Variants in SCYL2 observed in about 807,000 individuals in gnomAD.
SCYL2 encodes the protein SCY1 like pseudokinase 2.
Under a neutral mutation model 100.4 loss-of-function variants are expected in SCYL2, and 36 were observed. The ratio of observed to expected loss-of-function variants is 0.36; its 90% CI spans 0.27 to 0.47. SCYL2 has a LOEUF of 0.47. Ranked by LOEUF, SCYL2 falls within the 20% of genes least tolerant of loss-of-function variation. The pLI is 1.00. For synonymous variants in SCYL2, 330 were observed against 359.2 expected (o/e 0.92, Z 0.92); for missense variants, 902 against 1,083.9 (o/e 0.83, Z 2.36).
chr12:100,313,886 T>C (rs3853776), intron 7 of SCYL2, among the ~76,000 whole-genome samples: 7,587 of 151,422 alleles, frequency 0.05, 470 homozygotes, highest in East Asian at 0.28. Flanking sequence ...ATGGATTTTT[T>C]TTTTTTTTTT....
At chr12:100,320,045 C>T (rs992688594) in intron 10 of SCYL2, among the ~76,000 whole-genome samples, 1 of 152,210 alleles carries the variant, frequency 6.6e-6, no homozygotes, top group East Asian at 1.9e-4. Context: ...GCATTATAAA[C>T]GTGTATCAGA....
At chr12:100,326,130 A>G (rs2096361527) in intron 11 of SCYL2, among the ~76,000 whole-genome samples, 1 of 152,156 alleles carries the variant, frequency 6.6e-6, no homozygotes, top group African/African-American at 2.4e-5. Flanking sequence ...AAGAGGTCTT[A>G]ATAACTGTAT....
intron 4 of SCYL2, among the ~76,000 whole-genome samples, chr12:100,306,491 A>G (rs2135889000): frequency 6.6e-6 from 1 of 152,364 alleles, no homozygotes; most frequent in Non-Finnish European, 1.5e-5. Flanking sequence ...CTAGGTTTTG[A>G]TAGAACATAT....
At chr12:100,295,452 T>C (rs7958694) in intron 3 of SCYL2, among the ~76,000 whole-genome samples, 21,225 of 152,002 alleles carry the variant, frequency 0.14, 1,720 homozygotes, top group Non-Finnish European at 0.18. Context: ...TCCCGGCACC[T>C]CGGGAGGCCG....
At chr12:100,312,784 T>G in intron 6 of SCYL2, 131 bp downstream of exon 6, 1 of 611,460 alleles carries the variant, frequency 1.6e-6, no homozygotes. Flanking sequence ...TAAGATCAGC[T>G]TAATAATTTA....
intron 1 of SCYL2, among the ~76,000 whole-genome samples, chr12:100,277,333 G>C (rs1390276143): frequency 1.3e-5 from 2 of 152,192 alleles, no homozygotes; most frequent in African/African-American, 4.8e-5. Flanking sequence ...CTTCGTCTGT[G>C]TCTGTTACTA....
At chr12:100,278,842 A>T (rs1469381122) in intron 1 of SCYL2, among the ~76,000 whole-genome samples, 4 of 151,904 alleles carry the variant, frequency 2.6e-5, no homozygotes, top group Non-Finnish European at 4.4e-5. Flanking sequence ...GTTTGCCAGG[A>T]TGGTCTCCAT....
chr12:100,302,419 C>T (rs1242567646), intron 4 of SCYL2, among the ~76,000 whole-genome samples: 1 of 152,136 alleles, frequency 6.6e-6, no homozygotes, highest in Non-Finnish European at 1.5e-5. Context: ...ATATTTAGTG[C>T]TTTCTTCAGG....
At chr12:100,272,278 C>T (rs1190236950) in intron 1 of SCYL2, among the ~76,000 whole-genome samples, 1 of 151,928 alleles carries the variant, frequency 6.6e-6, no homozygotes, top group East Asian at 1.9e-4. Context: ...CTTTTTTCTT[C>T]ATTAATCAAA....
intron 2 of SCYL2, among the ~76,000 whole-genome samples, chr12:100,285,120 C>A (rs915042856): frequency 6.6e-6 from 1 of 152,072 alleles, no homozygotes; most frequent in East Asian, 1.9e-4. Flanking sequence ...GATAAATGTT[C>A]ACAGTGAATA....
At chr12:100,289,744 T>C (rs1223973292) in intron 2 of SCYL2, among the ~76,000 whole-genome samples, 1 of 152,200 alleles carries the variant, frequency 6.6e-6, no homozygotes, top group East Asian at 1.9e-4. Context: ...ATTTTAGGTT[T>C]GTGTGACTCT....
rs1244415775 is a variant in SCYL2 at position 100,313,751 on chromosome 12, TG to T, written c.969+214del. Among the ~76,000 whole-genome samples the T allele has an allele frequency of 9.2e-5, 14 of 152,360 alleles. No homozygotes were observed. In the South Asian group the frequency reaches 2.9e-3, roughly 32 times the overall value. On this transcript the variant is annotated intron_variant, in intron 7 of 17. Coordinates refer to ENST00000360820, the MANE Select transcript of SCYL2 (RefSeq NM_017988.6). The stretch of plus-strand genomic sequence containing the variant: ...TTGCTTAATCTTACACAGCTAAATA[TG>T]TACGTAATTGCTCTGATAGAAAATT...
intron 1 of SCYL2, among the ~76,000 whole-genome samples, chr12:100,272,930 C>T (rs570240275): frequency 6.6e-6 from 1 of 152,174 alleles, no homozygotes; most frequent in African/African-American, 2.4e-5. Context: ...TTTGAAATAC[C>T]TCCTTTACCC....
At chr12:100,297,066 C>G (rs888442487) in intron 3 of SCYL2, among the ~76,000 whole-genome samples, 25 of 152,280 alleles carry the variant, frequency 1.6e-4, no homozygotes, top group African/African-American at 5.8e-4. Flanking sequence ...TGTTATGTAG[C>G]CACATTACTG....
chr12:100,270,292 T>A (rs1378885774), intron 1 of SCYL2, among the ~76,000 whole-genome samples: 1 of 152,110 alleles, frequency 6.6e-6, no homozygotes, highest in Non-Finnish European at 1.5e-5. Context: ...TGGCCGAGAT[T>A]TTATACTTTC....
intron 9 of SCYL2, among the ~76,000 whole-genome samples, chr12:100,317,448 A>G (rs1253229034): frequency 1.3e-5 from 2 of 152,170 alleles, no homozygotes; most frequent in African/African-American, 4.8e-5. Flanking sequence ...TGAGCTTCAT[A>G]GAAGCCAAGT....
chr12:100,300,415 C>G (rs2096326202), intron 4 of SCYL2, among the ~76,000 whole-genome samples: 1 of 151,970 alleles, frequency 6.6e-6, no homozygotes, highest in Non-Finnish European at 1.5e-5. Context: ...TACTTTGATA[C>G]AGGCATGCAA....
At chr12:100,326,531 A>T in intron 11 of SCYL2, 91 bp from the exon 12 acceptor site, 1 of 863,154 alleles carries the variant, frequency 1.2e-6, no homozygotes, top group South Asian at 2.3e-5. Context: ...AGACTTTAAC[A>T]TATTTATATG....
At chr12:100,278,698 C>T (rs1161547550) in intron 1 of SCYL2, among the ~76,000 whole-genome samples, 1 of 148,258 alleles carries the variant, frequency 6.7e-6, no homozygotes, top group Non-Finnish European at 1.5e-5. Flanking sequence ...GGCGTGATCT[C>T]GGCTTACTGC....
Sources: gnomAD v4.1 joint callset for allele counts (sites outside exome capture counted in the v4.1 genomes callset) on GRCh38, gnomAD v4.1.1 for gene constraint, MANE v1.5 for transcripts, NCBI Gene and HGNC (gene_info 2026-07-23, HGNC 2026-07-21) for gene names.